FZD6: variants seen among roughly 807,000 people sequenced by gnomAD.
The protein encoded by FZD6 is frizzled-6.
In FZD6, 49 loss-of-function variants were observed where a neutral mutation model predicts 61.4. The observed-to-expected ratio is 0.80, with a 90% CI of 0.63 to 1.01. FZD6 has a LOEUF of 1.01. FZD6 is among the 50% of genes least tolerant of loss of function. The pLI is 0.00. For missense variants in FZD6, 724 were observed against 848.2 expected (o/e 0.85, Z 1.82); for synonymous variants, 265 against 292.2 (o/e 0.91, Z 0.95).
In FZD6 at chr8:103,300,362, TTTA is replaced by T. The variant is rs1586497909; in HGVS notation, c.177+79_177+81del. ...ATAAACTAGTAAAAATAAGTCTATT[TTTA>T]AACAGAGCCGATTTCTTCAAGTTGT... On this transcript the variant is annotated intron_variant, in intron 2 of 6. Transcript: ENST00000358755. 30 of 1,065,372 alleles carry T rather than the reference TTTA, an allele frequency of 2.8e-5. No homozygotes were observed. The East Asian group carries it at 7.1e-4, about 25-fold the overall frequency. 66.0% of individuals were successfully genotyped at this position (1,065,372 alleles called of 1,614,324 possible).
At chr8:103,300,568 T>C (rs1479771695) in intron 2 of FZD6, among the ~76,000 whole-genome samples, 1 of 152,206 alleles carries the variant, frequency 6.6e-6, no homozygotes, top group Non-Finnish European at 1.5e-5. Context: ...TTTGCTTTCC[T>C]GAATCAAGTA....
At chr8:103,304,206 A>G (rs1014364459) in intron 2 of FZD6, among the ~76,000 whole-genome samples, 3 of 152,232 alleles carry the variant, frequency 2.0e-5, no homozygotes, top group African/African-American at 7.2e-5. Context: ...AGAATTCCGT[A>G]TAAGTCAAAA....
Position 103,320,371 on chromosome 8 carries a change from G to A in FZD6, c.374+1585G>A, listed in dbSNP as rs538625510. Among the ~76,000 whole-genome samples the A allele has an allele frequency of 3.9e-5, 6 of 152,228 alleles. No homozygotes were observed. The South Asian group carries it at 1.2e-3, about 32-fold the overall frequency. On this transcript the variant is annotated intron_variant, in intron 3 of 6. Coordinates refer to ENST00000358755, the MANE Select transcript of FZD6 (RefSeq NM_003506.4). ...CTTCTCCAGCTGTGGTGGGATGCTT[G>A]GGGCTAAGCACAGAGAAGGCAGATA...
chr8:103,330,708 C>T (rs575347033), intron 6 of FZD6, among the ~76,000 whole-genome samples: 55 of 152,260 alleles, frequency 3.6e-4, no homozygotes, highest in South Asian at 1.2e-3. Flanking sequence ...TCTTACTCAT[C>T]TTTATGTTCC....
chr8:103,306,141 C>G (rs532822745), intron 2 of FZD6, among the ~76,000 whole-genome samples: 1 of 152,184 alleles, frequency 6.6e-6, no homozygotes, highest in African/African-American at 2.4e-5. Flanking sequence ...CAAAGGTACT[C>G]TCTTCTGGAG....
chr8:103,326,374 G>A (rs1814951293), intron 4 of FZD6, among the ~76,000 whole-genome samples: 1 of 151,996 alleles, frequency 6.6e-6, no homozygotes, highest in East Asian at 1.9e-4. Context: ...TCCATAGTTT[G>A]TTTTTACTAT....
chr8:103,303,119 C>T (rs1385869934), intron 2 of FZD6, among the ~76,000 whole-genome samples: 1 of 152,160 alleles, frequency 6.6e-6, no homozygotes, highest in Non-Finnish European at 1.5e-5. Context: ...GAAAAAAAGA[C>T]CTGGTTCTAG....
intron 2 of FZD6, among the ~76,000 whole-genome samples, chr8:103,311,820 G>C (rs759645474): frequency 1.1e-4 from 17 of 152,042 alleles, no homozygotes; most frequent in Admixed American, 1.3e-4. Flanking sequence ...AGCCATAGAA[G>C]TTAGGTATCA....
chr8:103,326,601 GAGA>G (rs960463702), intron 4 of FZD6, among the ~76,000 whole-genome samples: 7 of 151,540 alleles, frequency 4.6e-5, no homozygotes, highest in African/African-American at 1.4e-4. Flanking sequence ...TCTTCAAGTG[GAGA>G]AGGATATAAT....
intron 2 of FZD6, among the ~76,000 whole-genome samples, chr8:103,310,226 T>C (rs935294139): frequency 6.6e-6 from 1 of 152,158 alleles, no homozygotes; most frequent in Non-Finnish European, 1.5e-5. Flanking sequence ...CTGTGCTTGG[T>C]TTTCAACTCC....
At chr8:103,321,604 T>C (rs146704835) in intron 3 of FZD6, among the ~76,000 whole-genome samples, 3 of 152,290 alleles carry the variant, frequency 2.0e-5, no homozygotes, top group Admixed American at 6.5e-5. Flanking sequence ...CAGAACTGTG[T>C]GGTTATGGCA....
At chr8:103,306,913 T>C (rs1269102028) in intron 2 of FZD6, among the ~76,000 whole-genome samples, 3 of 152,134 alleles carry the variant, frequency 2.0e-5, no homozygotes, top group South Asian at 2.1e-4. Context: ...GCAAGAAATA[T>C]AGCTTTTCTC....
chr8:103,305,868 A>G (rs1814315673), intron 2 of FZD6, among the ~76,000 whole-genome samples: 1 of 152,242 alleles, frequency 6.6e-6, no homozygotes, highest in African/African-American at 2.4e-5. Flanking sequence ...CAAGGTTCCT[A>G]GTCCATTCCT....
chr8:103,316,698 C>T (rs983968247), intron 2 of FZD6, among the ~76,000 whole-genome samples: 6 of 152,106 alleles, frequency 3.9e-5, no homozygotes, highest in Admixed American at 1.3e-4. Context: ...TTTCTTCTAG[C>T]TTCTGATATT....
chr8:103,300,327 CT>C (rs1161426173), intron 2 of FZD6, 43 bp downstream of exon 2: 2 of 1,302,300 alleles, frequency 1.5e-6, no homozygotes, highest in Non-Finnish European at 2.2e-6. Flanking sequence ...AGTTTATGCT[CT>C]GTTCTAGAAT....
intron 5 of FZD6, among the ~76,000 whole-genome samples, chr8:103,328,742 G>T (rs1213201916): frequency 6.6e-6 from 1 of 150,696 alleles, no homozygotes; most frequent in Non-Finnish European, 1.5e-5. Context: ...GCTGTCATTG[G>T]ATTCATTATT....
At chr8:103,329,622 T>C (rs1470932794) in intron 5 of FZD6, 33 bp from the exon 6 acceptor site, 1 of 1,522,934 alleles carries the variant, frequency 6.6e-7, no homozygotes, top group African/African-American at 1.4e-5. Flanking sequence ...CACTTCTAAT[T>C]TGAGTAAATC....
chr8:103,301,165 A>G (rs1814159749), intron 2 of FZD6, among the ~76,000 whole-genome samples: 2 of 152,204 alleles, frequency 1.3e-5, no homozygotes, highest in African/African-American at 4.8e-5. Flanking sequence ...TTGATTTTGC[A>G]GCTTTGAAAG....
intron 4 of FZD6, among the ~76,000 whole-genome samples, chr8:103,327,506 G>A (rs1414726049): frequency 6.6e-6 from 1 of 152,190 alleles, no homozygotes; most frequent in Non-Finnish European, 1.5e-5. Context: ...TGAGGCGGGA[G>A]AATTGCTTGA....
Sources: gnomAD v4.1 joint callset for allele counts (sites outside exome capture counted in the v4.1 genomes callset) on GRCh38, gnomAD v4.1.1 for gene constraint, MANE v1.5 for transcripts, NCBI Gene and HGNC (gene_info 2026-07-23, HGNC 2026-07-21) for gene names.